The following OTUB2 variants were observed in gnomAD, a reference collection of about 807,000 sequenced individuals.
OTUB2 encodes the protein ubiquitin thioesterase OTUB2.
In OTUB2, 21 loss-of-function variants were observed where a neutral mutation model predicts 25.1. The ratio of observed to expected loss-of-function variants is 0.84; its 90% CI spans 0.59 to 1.21. The LOEUF (loss-of-function observed/expected upper bound fraction) is 1.21, where lower values mean the gene tolerates loss of function less well. OTUB2 is among the 50% of genes most tolerant of loss of function. OTUB2 has a pLI of 0.00. For missense variants in OTUB2, 283 were observed against 298.0 expected (o/e 0.95, Z 0.37); for synonymous variants, 122 against 122.8 (o/e 0.99, Z 0.04).
At chr14:94,039,373 A>G in intron 3 of OTUB2, 1 of 426,132 alleles carries the variant, frequency 2.3e-6, no homozygotes, top group Admixed American at 4.0e-5. Flanking sequence ...GTACTTCGTG[A>G]CCCACTCTGA....
intron 3 of OTUB2, chr14:94,039,401 A>C: frequency 5.9e-6 from 2 of 337,526 alleles, no homozygotes; most frequent in Non-Finnish European, 5.4e-6. Context: ...AGAAAAGACA[A>C]ACAAAAAGAA....
intron 1 of OTUB2, among the ~76,000 whole-genome samples, chr14:94,033,453 T>C (rs1368146501): frequency 6.6e-6 from 1 of 152,236 alleles, no homozygotes; most frequent in African/African-American, 2.4e-5. Flanking sequence ...CACTCCTCCA[T>C]TGATTACCTC....
chr14:94,035,844 G>C (rs2141410023), intron 1 of OTUB2, among the ~76,000 whole-genome samples: 1 of 152,280 alleles, frequency 6.6e-6, no homozygotes, highest in South Asian at 2.1e-4. Context: ...GCCAGGCCCT[G>C]GGTGAATGGA....
At chr14:94,044,196 G>C in intron 4 of OTUB2, 141 bp downstream of exon 4, 1 of 856,084 alleles carries the variant, frequency 1.2e-6, no homozygotes, top group Non-Finnish European at 1.9e-6. Flanking sequence ...GGGGTGTGTG[G>C]GCACAGGGAG....
rs1018004240 is a variant in OTUB2, at chr14:94,027,885, T to C, written c.3+1345T>C. 3.3e-5 allele frequency among the ~76,000 whole-genome samples: 5 copies of C among 152,350 alleles called. No individual in the cohort carries two copies. In the East Asian group the frequency reaches 9.6e-4, roughly 29 times the overall value. On this transcript the variant is annotated intron_variant, in intron 1 of 5. Transcript: ENST00000203664. ...ACTTGGTGCCCAAGGGTTTACCTGGTTGAGCTGCTCCTGGAAGGCAGCCCA... is the reference window on the plus strand; with the variant it reads ...ACTTGGTGCCCAAGGGTTTACCTGGCTGAGCTGCTCCTGGAAGGCAGCCCA...
chr14:94,032,743 A>G (rs939315388), intron 1 of OTUB2, among the ~76,000 whole-genome samples: 1 of 152,242 alleles, frequency 6.6e-6, no homozygotes, highest in African/African-American at 2.4e-5. Context: ...CTAGAAAGAC[A>G]TGCCATAGAG....
At chr14:94,027,294 C>G (rs1884884232) in intron 1 of OTUB2, among the ~76,000 whole-genome samples, 1 of 152,216 alleles carries the variant, frequency 6.6e-6, no homozygotes, top group East Asian at 1.9e-4. Flanking sequence ...TCTGGACTCT[C>G]AGTTCAGTGC....
chr14:94,045,199 C>A (rs1447977851), intron 5 of OTUB2, among the ~76,000 whole-genome samples: 1 of 152,178 alleles, frequency 6.6e-6, no homozygotes, highest in Admixed American at 6.5e-5. Flanking sequence ...TCTTGCAGGG[C>A]AGTCTCAGCA....
chr14:94,038,890 G>A, intron 2 of OTUB2, 73 bp from the exon 3 acceptor site: 4 of 1,335,324 alleles, frequency 3.0e-6, no homozygotes, highest in Non-Finnish European at 4.3e-6. Flanking sequence ...GGGGCACCTG[G>A]CCAGTCCCAG....
At chr14:94,027,335 T>C (rs1884884903) in intron 1 of OTUB2, among the ~76,000 whole-genome samples, 1 of 152,242 alleles carries the variant, frequency 6.6e-6, no homozygotes, top group East Asian at 1.9e-4. Flanking sequence ...ACCTTCCAGG[T>C]TGCCGTGGGG....
At position 94,026,447 on chromosome 14, in the gene OTUB2, C is replaced by G; in HGVS notation, c.-91C>G. 7.6e-7 allele frequency: 1 copy of G among 1,314,804 alleles called. No individual in the cohort carries two copies. Among genetic ancestry groups the G allele is most frequent in the Non-Finnish European group, 9.7e-7 (1 of 1,030,912 alleles). The allele number at this position is 1,314,804 out of a possible 1,614,324, so 81.4% of individuals were successfully genotyped here. A position where few individuals can be genotyped will look rare whatever the true frequency, so the allele number is the denominator to read the frequency against. Reference sequence around the variant, plus strand: ...GCCCTCGAGGTCCCCGCCACCGAACCAGCGGCGGAGCCCGCCCGCGCCTCC... The same window carrying G: ...GCCCTCGAGGTCCCCGCCACCGAACGAGCGGCGGAGCCCGCCCGCGCCTCC... On this transcript the variant is annotated 5_prime_UTR_variant, in exon 1 of 6. Transcript: ENST00000203664.
intron 3 of OTUB2, among the ~76,000 whole-genome samples, chr14:94,039,865 G>C (rs553325389): frequency 1.3e-5 from 2 of 152,138 alleles, no homozygotes; most frequent in Non-Finnish European, 2.9e-5. Context: ...GACCCGCACC[G>C]ACATGCTCTC....
chr14:94,039,065 A>G lies in OTUB2; in HGVS notation c.202A>G (p.Ser68Gly). Residue 68 changes from serine to glycine, a missense_variant, in exon 3 of 6, where the codon AGC (serine) becomes GGC (glycine). Ser to Gly is a moderately conservative substitution (Grantham distance 56). Transcript: ENST00000203664. ...YSYLESLLGK[S>G]REIFKFKERV... ...CTACCTGGAGTCCCTGCTGGGGAAGAGCAGGGAGATCTTCAAGTGAGTGCC... is the reference window on the plus strand; with the variant it reads ...CTACCTGGAGTCCCTGCTGGGGAAGGGCAGGGAGATCTTCAAGTGAGTGCC... The G allele has an allele frequency of 6.2e-7, 1 of 1,614,030 alleles. No homozygotes were observed. Among genetic ancestry groups the G allele is most frequent in the Non-Finnish European group, 8.5e-7 (1 of 1,180,006 alleles).
intron 4 of OTUB2, 40 bp downstream of exon 4, chr14:94,044,095 G>C (rs1371606683): frequency 6.4e-7 from 1 of 1,574,444 alleles, no homozygotes. Flanking sequence ...TGGCAGAGCA[G>C]ACAGGAGTGG....
chr14:94,036,369 G>A (rs1885054730), intron 1 of OTUB2, among the ~76,000 whole-genome samples: 1 of 152,168 alleles, frequency 6.6e-6, no homozygotes, highest in African/African-American at 2.4e-5. Flanking sequence ...GGTCTCCCTG[G>A]GTTGTGTGCA....
chr14:94,033,968 A>G lies in OTUB2; in HGVS notation c.4-3412A>G, dbSNP rs188711710. Among the ~76,000 whole-genome samples, 413 of 152,358 alleles carry G rather than the reference A, an allele frequency of 2.7e-3. 1 individual carries two copies. Among genetic ancestry groups the G allele is most frequent in the Non-Finnish European group, 4.3e-3 (293 of 68,028 alleles). On this transcript the variant is annotated intron_variant, in intron 1 of 5. Transcript: ENST00000203664. Reference sequence around the variant, plus strand: ...TAACTTTTTATAAATTTGCCTTTGAAGTCAATAAATCTGGCTTGGTTTAAG... The same window carrying G: ...TAACTTTTTATAAATTTGCCTTTGAGGTCAATAAATCTGGCTTGGTTTAAG...
chr14:94,045,616 C>A, intron 5 of OTUB2, 100 bp from the exon 6 acceptor site: 1 of 1,179,566 alleles, frequency 8.5e-7, no homozygotes, highest in South Asian at 1.4e-5. Context: ...CGTCCCAGCA[C>A]AGAGGCTGTG....
At chr14:94,035,818 T>G (rs1294528237) in intron 1 of OTUB2, among the ~76,000 whole-genome samples, 1 of 152,144 alleles carries the variant, frequency 6.6e-6, no homozygotes, top group African/African-American at 2.4e-5. Context: ...GAAAAATATC[T>G]CACCCCCTTC....
intron 2 of OTUB2, among the ~76,000 whole-genome samples, chr14:94,037,972 G>A (rs192524023): frequency 2.6e-5 from 4 of 152,260 alleles, no homozygotes; most frequent in East Asian, 1.9e-4. Flanking sequence ...GCACTCACCC[G>A]TGGATGGCAG....
Sources: gnomAD v4.1 joint callset for allele counts (sites outside exome capture counted in the v4.1 genomes callset) on GRCh38, gnomAD v4.1.1 for gene constraint, MANE v1.5 for transcripts, NCBI Gene and HGNC (gene_info 2026-07-23, HGNC 2026-07-21) for gene names.